The following HNRNPLL variants were observed in gnomAD, a reference collection of about 807,000 sequenced individuals.
HNRNPLL encodes heterogeneous nuclear ribonucleoprotein L-like.
Under a neutral mutation model 67.1 loss-of-function variants are expected in HNRNPLL, and 25 were observed. The ratio of observed to expected loss-of-function variants is 0.37; its 90% CI spans 0.27 to 0.52. The LOEUF (loss-of-function observed/expected upper bound fraction) is 0.52, where lower values mean the gene tolerates loss of function less well. Among genes scored for constraint, HNRNPLL ranks in the 20% least tolerant of loss-of-function variants. The probability of loss-of-function intolerance (pLI) is 0.90; values close to 1 mark genes in which losing one functional copy is unlikely to be tolerated. For missense variants in HNRNPLL, 542 were observed against 673.9 expected (o/e 0.80, Z 2.17); for synonymous variants, 267 against 241.7 (o/e 1.10, Z -0.97).
chr2:38,593,898 G>C (rs1315993330), intron 1 of HNRNPLL, among the ~76,000 whole-genome samples: 1 of 149,030 alleles, frequency 6.7e-6, no homozygotes, highest in Non-Finnish European at 1.5e-5. Flanking sequence ...ATGCTGGCCG[G>C]GCACAGTGGC....
At chr2:38,585,319 T>A (rs112913981) in intron 3 of HNRNPLL, among the ~76,000 whole-genome samples, 6 of 152,368 alleles carry the variant, frequency 3.9e-5, no homozygotes, top group African/African-American at 1.4e-4. Flanking sequence ...TGCTCTTATA[T>A]ATATGCTGGC....
At chr2:38,578,096 C>A in intron 6 of HNRNPLL, 1 of 450,846 alleles carries the variant, frequency 2.2e-6, no homozygotes, top group Non-Finnish European at 4.6e-6. Context: ...TGAAAATGTT[C>A]ACATCACTGA....
intron 1 of HNRNPLL, chr2:38,599,812 C>A: frequency 4.4e-6 from 2 of 453,336 alleles, no homozygotes; most frequent in East Asian, 7.2e-5. Context: ...TCATAAAAAA[C>A]CAAGCAATGT....
intron 1 of HNRNPLL, among the ~76,000 whole-genome samples, chr2:38,598,142 G>T (rs147175657): frequency 5.8e-4 from 88 of 152,020 alleles, no homozygotes; most frequent in African/African-American, 2.1e-3. Context: ...TTATACATTG[G>T]TATTTTCAAT....
chr2:38,578,723 A>G (rs1237543695), intron 6 of HNRNPLL, among the ~76,000 whole-genome samples: 1 of 152,052 alleles, frequency 6.6e-6, no homozygotes, highest in African/African-American at 2.4e-5. Flanking sequence ...AAAACCAATA[A>G]TAAGATTTCC....
In HNRNPLL at chr2:38,562,330, A is replaced by T. The variant is rs1665703764; in HGVS notation, c.*1852T>A. 6.6e-6 allele frequency: 1 copy of T among 152,150 alleles called. No individual in the cohort carries two copies. The highest frequency in any genetic ancestry group is 2.1e-4 in the South Asian group (1 of 4,826). The allele number at this position is 152,150 out of a possible 1,614,324, so 9.4% of individuals were successfully genotyped here. On this transcript the variant is annotated 3_prime_UTR_variant, in exon 13 of 13. Transcript: ENST00000449105. ...AAACAATTCACTTATTTTGGTGGAG[A>T]GAGAGCCTTACAGATAAAAATCATT...
intron 3 of HNRNPLL, among the ~76,000 whole-genome samples, chr2:38,585,035 A>G (rs950195611): frequency 6.6e-6 from 1 of 152,182 alleles, no homozygotes; most frequent in African/African-American, 2.4e-5. Context: ...TATGATACCA[A>G]CTGAAGTTTC....
chr2:38,583,607 T>C (rs1666620286), intron 4 of HNRNPLL, among the ~76,000 whole-genome samples: 1 of 152,200 alleles, frequency 6.6e-6, no homozygotes, highest in Admixed American at 6.5e-5. Context: ...TATCTTCAAA[T>C]AGTGTTATTT....
At chr2:38,586,014 A>G (rs998512073) in intron 2 of HNRNPLL, 133 bp from the exon 3 acceptor site, 2 of 658,924 alleles carry the variant, frequency 3.0e-6, no homozygotes, top group Non-Finnish European at 5.3e-6. Flanking sequence ...CCTGTGTCCA[A>G]CGTAAGTCAA....
intron 1 of HNRNPLL, among the ~76,000 whole-genome samples, chr2:38,600,226 A>G (rs530614481): frequency 5.9e-5 from 9 of 152,348 alleles, no homozygotes; most frequent in Non-Finnish European, 1.0e-4. Context: ...CCTAGGAAAC[A>G]TATCAGCAGT....
chr2:38,565,485 T>C (rs1012186765), intron 12 of HNRNPLL, among the ~76,000 whole-genome samples: 1 of 152,010 alleles, frequency 6.6e-6, no homozygotes, highest in African/African-American at 2.4e-5. Flanking sequence ...GCCAGAGGAC[T>C]GCTTGAGGCC....
In HNRNPLL at chr2:38,573,307, G is replaced by A. The variant is rs760362290; in HGVS notation, c.995C>T (p.Pro332Leu). 2 of 1,612,120 alleles carry A rather than the reference G, an allele frequency of 1.2e-6. No individual in the cohort carries two copies. The highest frequency in any genetic ancestry group is 2.2e-5 in the East Asian group (1 of 44,802). ...ACTAACCATTACAACTGAACCAGAGGGATTTCCTCCATGCATGTAAGAGGA... is the reference window on the plus strand; with the variant it reads ...ACTAACCATTACAACTGAACCAGAGAGATTTCCTCCATGCATGTAAGAGGA... ...ASSSYMHGGN[P>L]SGSVVMVSGL... The change falls in exon 8 of 13, where the codon CCC (proline) becomes CTC (leucine). Residue 332 changes from proline to leucine, a missense_variant. By Grantham distance (98) the Pro-to-Leu change is moderately conservative. This residue lies in a region of HNRNPLL where 415 missense variants were observed against 575.2 expected (regional missense o/e 0.72). Coordinates refer to ENST00000449105, the MANE Select transcript of HNRNPLL (RefSeq NM_138394.4).
chr2:38,602,520 G>T lies in HNRNPLL; in HGVS notation c.107C>A (p.Ala36Asp). 6.4e-7 allele frequency: 1 copy of T among 1,552,804 alleles called. No individual in the cohort carries two copies. The highest frequency in any genetic ancestry group is 8.7e-7 in the Non-Finnish European group (1 of 1,149,524). ...TTCCCGGCGGTTCTCGCCTTCCTCG[G>T]CCGAGTAGTCGATCTCCCCCTCCTC... Reference protein sequence around the residue: ...KTEEGEIDYSAEEGENRREAT... With the variant: ...KTEEGEIDYSDEEGENRREAT... The change falls in exon 1 of 13, where the codon GCC becomes GAC. Residue 36 changes from alanine (A) to aspartate (D), a missense_variant. Ala to Asp is a moderately radical substitution (Grantham distance 126, BLOSUM62 -2). Around this residue, in one of 2 missense-constraint regions of HNRNPLL, gnomAD observed 127 missense variants for 98.7 expected, o/e 1.29. Coordinates refer to ENST00000449105, the MANE Select transcript of HNRNPLL (RefSeq NM_138394.4).
chr2:38,576,578 A>C (rs1454957051), intron 7 of HNRNPLL, among the ~76,000 whole-genome samples: 15 of 151,588 alleles, frequency 9.9e-5, no homozygotes. Flanking sequence ...ACACTACTAC[A>C]GTTCAAAAGA....
chr2:38,566,184 G>GGGGTTTCACCACGT, intron 12 of HNRNPLL: 2 of 527,932 alleles, frequency 3.8e-6, no homozygotes, highest in Non-Finnish European at 2.4e-6. Context: ...CCTGGCCAAC[G>GGGGTTTCACCACGT]TGGTGAAACC....
At position 38,562,395 on chromosome 2, in the gene HNRNPLL, T is replaced by G. The variant is rs1165731201; in HGVS notation, c.*1787A>C. On this transcript the variant is annotated 3_prime_UTR_variant, in exon 13 of 13. Transcript: ENST00000449105. Reference sequence around the variant, plus strand: ...CTAATTAAAATCTAAATGAAATAAGTCCTGCCAACACCTACAGGTTTATTT... The same window carrying G: ...CTAATTAAAATCTAAATGAAATAAGGCCTGCCAACACCTACAGGTTTATTT... The G allele has an allele frequency of 1.3e-5, 2 of 152,134 alleles. No individual in the cohort carries two copies. Among genetic ancestry groups the G allele is most frequent in the Non-Finnish European group, 2.9e-5 (2 of 67,992 alleles). The allele number at this position is 152,134 out of a possible 1,614,324, so 9.4% of individuals were successfully genotyped here. A position where few individuals can be genotyped will look rare whatever the true frequency, so the allele number is the denominator to read the frequency against.
rs1013336807 is a variant in HNRNPLL, at chr2:38,579,247, TTAGAG to T, written c.803-1720_803-1716del. 2.6e-4 allele frequency among the ~76,000 whole-genome samples: 40 copies of T among 151,918 alleles called. 1 individual carries two copies. The South Asian group carries it at 6.4e-3, about 24-fold the overall frequency. ...CAATTTTCATTCATAAATGAAGGAG[TTAGAG>T]TAGATTATCTTCCAAGCTATCTTTC... On this transcript the variant is annotated intron_variant, in intron 6 of 12. Coordinates refer to ENST00000449105, the MANE Select transcript of HNRNPLL (RefSeq NM_138394.4).
intron 7 of HNRNPLL, among the ~76,000 whole-genome samples, chr2:38,573,666 A>G (rs555381608): frequency 1.3e-5 from 2 of 152,060 alleles, no homozygotes; most frequent in East Asian, 1.9e-4. Context: ...ACACCAGGCT[A>G]TAAGCTTACA....
chr2:38,569,685 G>C, intron 9 of HNRNPLL, 119 bp downstream of exon 9: 1 of 569,932 alleles, frequency 1.8e-6, no homozygotes, highest in Non-Finnish European at 3.0e-6. Flanking sequence ...TACAGCTGTT[G>C]TTTCAGATGT....
Sources: allele counts gnomAD v4.1 joint callset (sites outside exome capture counted in the v4.1 genomes callset), GRCh38; gene constraint gnomAD v4.1.1; regional missense constraint gnomAD v4.1.1; transcripts MANE v1.5; gene names NCBI Gene and HGNC (gene_info 2026-07-23, HGNC 2026-07-21).